Variants in HERC1 observed in about 807,000 individuals in gnomAD.
HERC1 encodes the protein probable E3 ubiquitin-protein ligase HERC1.
In HERC1, 160 loss-of-function variants were observed where a neutral mutation model predicts 554.3. The ratio of observed to expected loss-of-function variants is 0.29; its 90% CI spans 0.25 to 0.33. The LOEUF is 0.33. HERC1 is among the 10% of genes least tolerant of loss of function. The probability of loss-of-function intolerance (pLI) is 1.00; values close to 1 mark genes in which losing one functional copy is unlikely to be tolerated. For synonymous variants in HERC1, 2,175 were observed against 2,131.7 expected, an observed-to-expected ratio of 1.02 and a Z score of -0.56; for missense variants, 4,919 against 5,918.5, an observed-to-expected ratio of 0.83 and a Z score of 5.54.
intron 12 of HERC1, among the ~76,000 whole-genome samples, chr15:63,735,580 G>T (rs777393433): frequency 6.6e-6 from 1 of 151,932 alleles, no homozygotes; most frequent in Admixed American, 6.6e-5. Context: ...GTAGGACCTG[G>T]CTAGACAAAG....
rs749963271 is a variant in HERC1 at position 63,663,174 on chromosome 15, C to T, written c.8711G>A (p.Arg2904Lys). Reference sequence around the variant, plus strand: ...TATTCCTTCTCTCCGACTTTGATTCCTGTGGGCCTGCACAGAGCGGTATAA... The same window carrying T: ...TATTCCTTCTCTCCGACTTTGATTCTTGTGGGCCTGCACAGAGCGGTATAA... The part of the protein sequence containing the change: ...AGLYRSVQAH[R>K]NQSRREGISL... The change falls in exon 44 of 78, where the codon AGG becomes AAG. Residue 2904 changes from arginine (R) to lysine (K), a missense_variant. By Grantham distance (26) the Arg-to-Lys change is conservative (BLOSUM62 2). Around this residue, in one of 11 missense-constraint regions of HERC1, gnomAD observed 1,963 missense variants for 2,228.6 expected, o/e 0.88. Coordinates refer to ENST00000443617, the MANE Select transcript of HERC1 (RefSeq NM_003922.4). The T allele has an allele frequency of 1.2e-6, 2 of 1,614,004 alleles. No individual in the cohort carries two copies. Among genetic ancestry groups the T allele is most frequent in the African/African-American group, 1.3e-5 (1 of 75,042 alleles).
At chr15:63,621,103 A>G (rs1364115358) in intron 74 of HERC1, among the ~76,000 whole-genome samples, 1 of 152,148 alleles carries the variant, frequency 6.6e-6, no homozygotes, top group Non-Finnish European at 1.5e-5. Context: ...GGTCTTTACA[A>G]TTTGGCATGT....
Position 63,680,950 on chromosome 15 carries a change from T to C in HERC1, c.6226-174A>G, listed in dbSNP as rs924741600. 6.6e-6 allele frequency among the ~76,000 whole-genome samples: 1 copy of C among 152,186 alleles called. No individual in the cohort carries two copies. Among genetic ancestry groups the C allele is most frequent in the African/African-American group, 2.4e-5 (1 of 41,448 alleles). On this transcript the variant is annotated intron_variant, in intron 34 of 77. Coordinates refer to ENST00000443617, the MANE Select transcript of HERC1 (RefSeq NM_003922.4). The surrounding 1 kb of genome is among the most constrained non-coding windows in gnomAD (Gnocchi z 5.8). ...AAATAATCGCATCAATTTAGAAAGA[T>C]TTTAAAACATTCTTTATCTTGCAGG...
intron 25 of HERC1, among the ~76,000 whole-genome samples, chr15:63,703,249 G>C (rs1006190553): frequency 6.6e-6 from 1 of 152,134 alleles, no homozygotes; most frequent in African/African-American, 2.4e-5. Context: ...GACCAATTGT[G>C]AAACATTAAC....
chr15:63,767,951 T>A (rs2075834270), intron 2 of HERC1, among the ~76,000 whole-genome samples: 1 of 152,204 alleles, frequency 6.6e-6, no homozygotes, highest in South Asian at 2.1e-4. Flanking sequence ...TTCTCCAAGA[T>A]CTTTATAAAT....
intron 1 of HERC1, among the ~76,000 whole-genome samples, chr15:63,790,533 G>A (rs1476475700): frequency 2.0e-5 from 3 of 151,852 alleles, no homozygotes; most frequent in East Asian, 3.9e-4. Flanking sequence ...AGCCGAGATC[G>A]CACCACTGCA....
At chr15:63,638,306 TA>T in intron 63 of HERC1, 104 bp downstream of exon 63, 1 of 1,195,694 alleles carries the variant, frequency 8.4e-7, no homozygotes, top group Non-Finnish European at 1.2e-6. Flanking sequence ...TGATTCCTCA[TA>T]ATAGATTATG....
chr15:63,758,075 A>G lies in HERC1; in HGVS notation c.1221+100T>C, dbSNP rs1271810285. 2.4e-6 allele frequency: 2 copies of G among 835,790 alleles called. No homozygotes were observed. The highest frequency in any genetic ancestry group is 3.7e-6 in the Non-Finnish European group (2 of 545,144). The allele number at this position is 835,790 out of a possible 1,614,324, so 51.8% of individuals were successfully genotyped here. On this transcript the variant is annotated intron_variant, in intron 4 of 77. Coordinates refer to ENST00000443617, the MANE Select transcript of HERC1 (RefSeq NM_003922.4). This position sits in a 1 kb window ranked among gnomAD's most constrained non-coding sequence, Gnocchi z 4.0. Reference sequence around the variant, plus strand: ...TATAGACCAGAAATAACCATCGATAATTTTCACTCATTTAAAAAATACTCA... The same window carrying G: ...TATAGACCAGAAATAACCATCGATAGTTTTCACTCATTTAAAAAATACTCA...
chr15:63,707,928 CAAAAAAAAAAA>C (rs71131176), intron 24 of HERC1, among the ~76,000 whole-genome samples: 3 of 55,162 alleles, frequency 5.4e-5, no homozygotes, highest in Admixed American at 5.0e-4. Context: ...GACTCCCTCT[CAAAAAAAAAAA>C]AAAAAAAAAA....
chr15:63,751,872 A>G (rs1596153976), intron 8 of HERC1, among the ~76,000 whole-genome samples: 1 of 152,238 alleles, frequency 6.6e-6, no homozygotes, highest in South Asian at 2.1e-4. Flanking sequence ...CTACCAACTA[A>G]TAGTTGAATA....
chr15:63,614,438 TAAA>T lies in HERC1; in HGVS notation c.14094+1327_14094+1329del, dbSNP rs1049813668. Among the ~76,000 whole-genome samples, 6 of 152,314 alleles carry T rather than the reference TAAA, an allele frequency of 3.9e-5. No homozygotes were observed. The East Asian group carries it at 9.6e-4, about 24-fold the overall frequency. On this transcript the variant is annotated intron_variant, in intron 76 of 77. Transcript: ENST00000443617. ...AGTCAGTTATTTATTCTCTGAGGAT[TAAA>T]AATATTCATCAACTGGAGACAAACA...
intron 1 of HERC1, among the ~76,000 whole-genome samples, chr15:63,787,914 T>C (rs936621288): frequency 7.5e-5 from 11 of 147,498 alleles, no homozygotes; most frequent in African/African-American, 2.0e-4. Context: ...TGAGCCAAGA[T>C]TGTGCCACTG....
Position 63,778,199 on chromosome 15 carries a change from A to G in HERC1, c.-26-2550T>C, listed in dbSNP as rs887348565. ...TACATGCTTTCACCTCCATCCAGCCATAAGGCTTTGTGGCAAGCAAAGGCA... is the reference window on the plus strand; with the variant it reads ...TACATGCTTTCACCTCCATCCAGCCGTAAGGCTTTGTGGCAAGCAAAGGCA... On this transcript the variant is annotated intron_variant, in intron 1 of 77. Coordinates refer to ENST00000443617, the MANE Select transcript of HERC1 (RefSeq NM_003922.4). Among the ~76,000 whole-genome samples the G allele has an allele frequency of 2.0e-5, 3 of 152,360 alleles. No homozygotes were observed. The East Asian group carries it at 5.8e-4, about 29-fold the overall frequency.
intron 18 of HERC1, among the ~76,000 whole-genome samples, chr15:63,724,118 AT>A (rs2073937830): frequency 6.6e-6 from 1 of 152,222 alleles, no homozygotes; most frequent in African/African-American, 2.4e-5. Flanking sequence ...AAAGTGAAAA[AT>A]AACATTAAAC....
intron 5 of HERC1, 59 bp from the exon 6 acceptor site, chr15:63,755,384 T>C (rs1567091495): frequency 2.4e-6 from 3 of 1,252,000 alleles, no homozygotes; most frequent in Admixed American, 3.5e-5. Flanking sequence ...ATAGTCCGTA[T>C]TTGATCCTAT....
At chr15:63,722,001 C>T (rs1274738095) in intron 19 of HERC1, among the ~76,000 whole-genome samples, 2 of 152,176 alleles carry the variant, frequency 1.3e-5, no homozygotes, top group Non-Finnish European at 2.9e-5. Flanking sequence ...GCTGGGATTA[C>T]AGGCACACGC....
intron 12 of HERC1, among the ~76,000 whole-genome samples, chr15:63,744,453 C>T (rs2074978409): frequency 6.6e-6 from 1 of 152,170 alleles, no homozygotes; most frequent in Admixed American, 6.5e-5. Flanking sequence ...CCCCAAGCCT[C>T]AGGTGGGTCT....
chr15:63,693,898 C>G, intron 30 of HERC1, 66 bp downstream of exon 30: 1 of 1,460,830 alleles, frequency 6.8e-7, no homozygotes, highest in Non-Finnish European at 9.2e-7. Context: ...ACATCCTAAT[C>G]ATATGCACAC....
intron 19 of HERC1, among the ~76,000 whole-genome samples, chr15:63,720,103 C>CGTTTTTTTTTTTTTTTTTTTT (rs2073747290): frequency 1.4e-5 from 1 of 71,608 alleles, no homozygotes; most frequent in Non-Finnish European, 2.7e-5. Context: ...TTTTTCTTCC[C>CGTTTTTTTTTTTTTTTTTTTT]TTTTTTTTTT....
Sources: allele counts gnomAD v4.1 joint callset (sites outside exome capture counted in the v4.1 genomes callset), GRCh38; gene constraint gnomAD v4.1.1; regional missense constraint gnomAD v4.1.1; non-coding constraint Gnocchi (gnomAD v3.1); transcripts MANE v1.5; gene names NCBI Gene and HGNC (gene_info 2026-07-23, HGNC 2026-07-21).